The following CAMK1D variants were observed in gnomAD, a reference collection of about 807,000 sequenced individuals.
CAMK1D encodes the protein calcium/calmodulin dependent protein kinase ID, also known as calcium/calmodulin-dependent protein kinase type 1D.
Under a neutral mutation model 47.7 loss-of-function variants are expected in CAMK1D, and 9 were observed. The observed-to-expected ratio is 0.19, with a 90% CI of 0.11 to 0.33. The LOEUF (loss-of-function observed/expected upper bound fraction) is 0.33, where lower values mean the gene tolerates loss of function less well. Among genes scored for constraint, CAMK1D ranks in the 10% least tolerant of loss-of-function variants. The probability of loss-of-function intolerance (pLI) is 1.00; values close to 1 mark genes in which losing one functional copy is unlikely to be tolerated. For missense variants in CAMK1D, 291 were observed against 488.7 expected (o/e 0.60, Z 3.81); for synonymous variants, 184 against 184.9 (o/e 0.99, Z 0.04).
At chr10:12,647,387 G>A (rs576524193) in intron 2 of CAMK1D, among the ~76,000 whole-genome samples, 21 of 151,998 alleles carry the variant, frequency 1.4e-4, no homozygotes, top group African/African-American at 4.6e-4. Context: ...GACCTCAAGT[G>A]ACCCACGTGC....
intron 3 of CAMK1D, among the ~76,000 whole-genome samples, chr10:12,719,201 G>T (rs1374479679): frequency 6.6e-6 from 1 of 152,132 alleles, no homozygotes; most frequent in Non-Finnish European, 1.5e-5. Flanking sequence ...GAGGTCAGGA[G>T]TTCGAGACCA....
Position 12,554,282 on chromosome 10 carries a change from C to G in CAMK1D, c.224+926C>G, listed in dbSNP as rs763827703. On this transcript the variant is annotated intron_variant, in intron 2 of 10. Transcript: ENST00000619168. ...AAGCGATTCTCCCGCCTCAGCCTCC[C>G]GAAGCTGGGATTACAGGCATCTGCC... Among the ~76,000 whole-genome samples, 2 of 79,082 alleles carry G rather than the reference C, an allele frequency of 2.5e-5. 1 individual carries two copies. Among genetic ancestry groups the G allele is most frequent in the East Asian group, 7.5e-4 (2 of 2,652 alleles). The allele number at this position is 79,082 out of a possible 152,430, so 51.9% of individuals were successfully genotyped here.
chr10:12,527,235 C>A (rs777914825), intron 1 of CAMK1D, among the ~76,000 whole-genome samples: 5 of 151,980 alleles, frequency 3.3e-5, no homozygotes. Flanking sequence ...TGGGCCCTTC[C>A]ATCTGACTCT....
chr10:12,604,892 T>A (rs1838404210), intron 2 of CAMK1D, among the ~76,000 whole-genome samples: 1 of 144,810 alleles, frequency 6.9e-6, no homozygotes, highest in Non-Finnish European at 1.5e-5. Flanking sequence ...TCCTTTTTTT[T>A]CTTTTTTTTT....
chr10:12,451,876 G>A (rs891757837), intron 1 of CAMK1D, among the ~76,000 whole-genome samples: 11 of 152,118 alleles, frequency 7.2e-5, no homozygotes, highest in African/African-American at 2.4e-4. Context: ...TCAGTGTCCC[G>A]GGGGCTACTC....
chr10:12,518,930 C>T (rs1237409193), intron 1 of CAMK1D, among the ~76,000 whole-genome samples: 1 of 130,144 alleles, frequency 7.7e-6, no homozygotes, highest in African/African-American at 2.9e-5. Context: ...TCAATTTTTT[C>T]CCCACCCTTC....
chr10:12,632,650 G>T (rs1588712603), intron 2 of CAMK1D, among the ~76,000 whole-genome samples: 1 of 152,286 alleles, frequency 6.6e-6, no homozygotes, highest in East Asian at 1.9e-4. Flanking sequence ...GGAGGGCTGG[G>T]ACCCAGATCT....
intron 1 of CAMK1D, among the ~76,000 whole-genome samples, chr10:12,477,805 C>T (rs1475545824): frequency 2.6e-5 from 4 of 152,066 alleles, no homozygotes; most frequent in Non-Finnish European, 4.4e-5. Context: ...AAACATCCAC[C>T]GTGTTTGGCT....
chr10:12,726,075 A>G (rs564351692), intron 3 of CAMK1D, among the ~76,000 whole-genome samples: 178 of 152,026 alleles, frequency 1.2e-3, no homozygotes, highest in Non-Finnish European at 1.9e-3. Flanking sequence ...TAGTATATAG[A>G]CTATTTCTCT....
At chr10:12,590,188 A>G (rs1279297594) in intron 2 of CAMK1D, among the ~76,000 whole-genome samples, 2 of 152,140 alleles carry the variant, frequency 1.3e-5, no homozygotes, top group African/African-American at 4.8e-5. Flanking sequence ...TTACTTCTCA[A>G]CTAGAGTTCT....
At chr10:12,664,882 C>G (rs1360108385) in intron 2 of CAMK1D, among the ~76,000 whole-genome samples, 1 of 152,206 alleles carries the variant, frequency 6.6e-6, no homozygotes, top group Non-Finnish European at 1.5e-5. Context: ...CTCAAATGAG[C>G]TGGACTAAAA....
intron 2 of CAMK1D, among the ~76,000 whole-genome samples, chr10:12,606,720 T>A (rs1838472157): frequency 6.6e-6 from 1 of 152,262 alleles, no homozygotes; most frequent in Non-Finnish European, 1.5e-5. Context: ...ATGTGCCCTT[T>A]AATCACTCGG....
chr10:12,404,743 G>A (rs965855140), intron 1 of CAMK1D, among the ~76,000 whole-genome samples: 3 of 150,840 alleles, frequency 2.0e-5, no homozygotes, highest in Admixed American at 6.6e-5. Context: ...CACCCAGACC[G>A]GAGTGCAGTG....
chr10:12,498,891 C>G (rs1302207040), intron 1 of CAMK1D, among the ~76,000 whole-genome samples: 1 of 152,092 alleles, frequency 6.6e-6, no homozygotes, highest in Non-Finnish European at 1.5e-5. Context: ...AATAATATTG[C>G]CTTGCTTTGT....
chr10:12,501,188 A>G (rs1440757297), intron 1 of CAMK1D, among the ~76,000 whole-genome samples: 1 of 152,156 alleles, frequency 6.6e-6, no homozygotes, highest in East Asian at 1.9e-4. Context: ...GGTTGTAGCA[A>G]TTTCCTGTTT....
In CAMK1D at chr10:12,709,022, G is replaced by T. The variant is rs1040473898; in HGVS notation, c.299+42212G>T. On this transcript the variant is annotated intron_variant, in intron 3 of 10. Transcript: ENST00000619168. ...CCCATGCCCTGGGGCCTGAACTGTG[G>T]CATGGGAGTGGGGGGCACAGATCTT... 7.9e-5 allele frequency among the ~76,000 whole-genome samples: 12 copies of T among 152,208 alleles called. 1 individual carries two copies. Among genetic ancestry groups the T allele is most frequent in the African/African-American group, 2.7e-4 (11 of 41,460 alleles).
chr10:12,445,778 T>C (rs1832908103), intron 1 of CAMK1D, among the ~76,000 whole-genome samples: 1 of 152,214 alleles, frequency 6.6e-6, no homozygotes, highest in African/African-American at 2.4e-5. Context: ...AGTATAACTT[T>C]TAATTGTCTT....
chr10:12,697,192 C>G (rs756116177), intron 3 of CAMK1D, among the ~76,000 whole-genome samples: 1 of 152,190 alleles, frequency 6.6e-6, no homozygotes, highest in Admixed American at 6.5e-5. Flanking sequence ...TAAAATCTCT[C>G]AAAATGATTC....
At chr10:12,434,551 T>C (rs2131997174) in intron 1 of CAMK1D, among the ~76,000 whole-genome samples, 1 of 152,340 alleles carries the variant, frequency 6.6e-6, no homozygotes. Flanking sequence ...CTCTCATTAC[T>C]GGCCTAGAAT....
Sources: allele counts gnomAD v4.1 joint callset (sites outside exome capture counted in the v4.1 genomes callset), GRCh38; gene constraint gnomAD v4.1.1; transcripts MANE v1.5; gene names NCBI Gene and HGNC (gene_info 2026-07-23, HGNC 2026-07-21).